Variants in EPHA6 observed in about 807,000 individuals in gnomAD.
EPHA6 encodes EPH receptor A6.
A neutral mutation model predicts 112.0 loss-of-function variants in EPHA6; 50 were observed. The observed-to-expected ratio is 0.45, with a 90% confidence interval of 0.36 to 0.56. The LOEUF (loss-of-function observed/expected upper bound fraction) is 0.56. Among genes scored for constraint, EPHA6 ranks in the 20% least tolerant of loss-of-function variants. The probability of loss-of-function intolerance (pLI) is 0.00; values close to 1 mark genes in which losing one functional copy is unlikely to be tolerated. For missense variants in EPHA6, 1,280 were observed against 1,417.4 expected (o/e 0.90, Z 1.56); for synonymous variants, 529 against 490.7 (o/e 1.08, Z -1.03).
intron 15 of EPHA6, among the ~76,000 whole-genome samples, chr3:97,727,129 T>C (rs2034807371): frequency 1.3e-5 from 2 of 152,074 alleles, no homozygotes; most frequent in Non-Finnish European, 2.9e-5. Flanking sequence ...AGAGAACTGC[T>C]ATCAGGGAGC....
intron 2 of EPHA6, among the ~76,000 whole-genome samples, chr3:96,944,005 A>G (rs2041118982): frequency 6.6e-6 from 1 of 152,170 alleles, no homozygotes; most frequent in African/African-American, 2.4e-5. Flanking sequence ...CAGTGAATAA[A>G]CATGCTTAAT....
At chr3:96,887,959 C>A (rs1298858623) in intron 2 of EPHA6, among the ~76,000 whole-genome samples, 1 of 152,044 alleles carries the variant, frequency 6.6e-6, no homozygotes. Flanking sequence ...ACAACAACTC[C>A]CAGTCTGTTT....
chr3:97,035,641 T>C (rs1469873457), intron 3 of EPHA6, among the ~76,000 whole-genome samples: 4 of 151,880 alleles, frequency 2.6e-5, no homozygotes, highest in African/African-American at 9.7e-5. Context: ...TTGAAAATAA[T>C]TTTCTTTATA....
At chr3:96,928,504 T>G (rs2107649049) in intron 2 of EPHA6, among the ~76,000 whole-genome samples, 1 of 152,314 alleles carries the variant, frequency 6.6e-6, no homozygotes, top group Non-Finnish European at 1.5e-5. Flanking sequence ...TGATTTTAGT[T>G]ATTTTGCATT....
chr3:97,246,138 A>G (rs2078980243), intron 5 of EPHA6, among the ~76,000 whole-genome samples: 1 of 151,932 alleles, frequency 6.6e-6, no homozygotes, highest in Non-Finnish European at 1.5e-5. Flanking sequence ...TGTCAAATAT[A>G]TCTTAAATAT....
At chr3:97,289,628 A>G (rs979435479) in intron 5 of EPHA6, among the ~76,000 whole-genome samples, 3 of 152,126 alleles carry the variant, frequency 2.0e-5, no homozygotes, top group Non-Finnish European at 4.4e-5. Context: ...TAGGAATAAC[A>G]ATGAATCTGT....
intron 2 of EPHA6, among the ~76,000 whole-genome samples, chr3:96,909,233 G>A (rs575703471): frequency 8.6e-5 from 13 of 151,970 alleles, no homozygotes; most frequent in African/African-American, 2.9e-4. Flanking sequence ...AATTAGTGTA[G>A]ATGAAGATTA....
intron 2 of EPHA6, among the ~76,000 whole-genome samples, chr3:96,939,409 A>G (rs1307278744): frequency 1.3e-5 from 2 of 152,172 alleles, no homozygotes; most frequent in Non-Finnish European, 2.9e-5. Context: ...TGTTTGTAGT[A>G]TTCTCTGATG....
intron 11 of EPHA6, among the ~76,000 whole-genome samples, chr3:97,592,181 G>C (rs936873209): frequency 6.6e-5 from 10 of 152,176 alleles, no homozygotes; most frequent in African/African-American, 1.9e-4. Context: ...AGCACTAATA[G>C]AGATAGACCT....
chr3:96,847,971 G>C (rs1333621823), intron 1 of EPHA6, among the ~76,000 whole-genome samples: 1 of 152,074 alleles, frequency 6.6e-6, no homozygotes, highest in Non-Finnish European at 1.5e-5. Flanking sequence ...AGTTTTGTTG[G>C]ACATAGCAAG....
chr3:97,573,632 G>A (rs1243396811), intron 11 of EPHA6, among the ~76,000 whole-genome samples: 1 of 151,688 alleles, frequency 6.6e-6, no homozygotes, highest in Admixed American at 6.6e-5. Flanking sequence ...TAGGGTACAT[G>A]TGCACATTGT....
intron 3 of EPHA6, among the ~76,000 whole-genome samples, chr3:97,219,340 C>A (rs1480397833): frequency 6.6e-6 from 1 of 152,126 alleles, no homozygotes. Flanking sequence ...GAGGGCTCCA[C>A]CCCTGCATCA....
At chr3:96,933,405 T>G (rs2040433580) in intron 2 of EPHA6, among the ~76,000 whole-genome samples, 1 of 152,172 alleles carries the variant, frequency 6.6e-6, no homozygotes, top group East Asian at 1.9e-4. Flanking sequence ...AATTAATTTT[T>G]TAGCTAAATA....
At chr3:96,883,738 TG>T (rs1287010509) in intron 2 of EPHA6, among the ~76,000 whole-genome samples, 2 of 152,126 alleles carry the variant, frequency 1.3e-5, no homozygotes, top group African/African-American at 4.8e-5. Flanking sequence ...TGATCTTGGC[TG>T]ACTGCAACCT....
intron 5 of EPHA6, among the ~76,000 whole-genome samples, chr3:97,275,302 G>A (rs1408447730): frequency 6.6e-6 from 1 of 152,182 alleles, no homozygotes; most frequent in Non-Finnish European, 1.5e-5. Context: ...AGATAAGGAT[G>A]AAATTTGGGC....
intron 7 of EPHA6, among the ~76,000 whole-genome samples, chr3:97,454,979 T>A (rs918991313): frequency 1.3e-5 from 2 of 151,914 alleles, no homozygotes; most frequent in Non-Finnish European, 2.9e-5. Flanking sequence ...TTTAAAGTAA[T>A]CTCCAGTCAA....
At chr3:97,643,089 T>A (rs1395047341) in intron 14 of EPHA6, among the ~76,000 whole-genome samples, 1 of 152,188 alleles carries the variant, frequency 6.6e-6, no homozygotes, top group African/African-American at 2.4e-5. Context: ...TAACAGTGGA[T>A]CTCTCGGCAG....
At chr3:97,111,362 G>A (rs1380416947) in intron 3 of EPHA6, among the ~76,000 whole-genome samples, 2 of 152,006 alleles carry the variant, frequency 1.3e-5, no homozygotes, top group Non-Finnish European at 2.9e-5. Flanking sequence ...TATTTGACAT[G>A]TACCTGGTTA....
chr3:97,663,993 C>G (rs1482554448), intron 14 of EPHA6, among the ~76,000 whole-genome samples: 1 of 152,132 alleles, frequency 6.6e-6, no homozygotes, highest in Non-Finnish European at 1.5e-5. Context: ...CTCTCCAGCA[C>G]CTGTTGTTTC....
Sources: gnomAD v4.1 joint callset for allele counts (sites outside exome capture counted in the v4.1 genomes callset) on GRCh38, gnomAD v4.1.1 for gene constraint, MANE v1.5 for transcripts, NCBI Gene and HGNC (gene_info 2026-07-23, HGNC 2026-07-21) for gene names.